TAT: variants seen among roughly 807,000 people sequenced by gnomAD.
TAT encodes the protein tyrosine aminotransferase.
TAT carries 35 observed loss-of-function variants against 53.6 expected under a neutral mutation model. The observed-to-expected ratio is 0.65, with a 90% CI of 0.50 to 0.87. The LOEUF (loss-of-function observed/expected upper bound fraction) is 0.87. Among genes scored for constraint, TAT ranks in the 40% least tolerant of loss-of-function variants. The pLI, the probability that TAT is intolerant of heterozygous loss-of-function variation, is 0.00. For synonymous variants in TAT, 197 were observed against 206.5 expected, an observed-to-expected ratio of 0.95 and a Z score of 0.39; for missense variants, 525 against 571.8, an observed-to-expected ratio of 0.92 and a Z score of 0.83.
At chr16:71,571,405 C>T (rs138589364) in intron 7 of TAT, among the ~76,000 whole-genome samples, 77 of 152,282 alleles carry the variant, frequency 5.1e-4, no homozygotes, top group Non-Finnish European at 8.5e-4. Context: ...CAAATGAATT[C>T]CAGGAATCTT....
intron 8 of TAT, 71 bp downstream of exon 8, chr16:71,570,608 C>T: frequency 1.2e-6 from 2 of 1,608,832 alleles, no homozygotes; most frequent in East Asian, 2.2e-5. Flanking sequence ...AAAAAGCCTC[C>T]CTTGTCCCCA....
At chr16:71,574,382 A>C (rs2044223134) in intron 3 of TAT, among the ~76,000 whole-genome samples, 1 of 152,072 alleles carries the variant, frequency 6.6e-6, no homozygotes, top group Non-Finnish European at 1.5e-5. Context: ...GGAGATTGAG[A>C]CCAGTCTGAC....
chr16:71,576,139 G>C (rs927995206), intron 2 of TAT, 42 bp downstream of exon 2: 1 of 1,609,160 alleles, frequency 6.2e-7, no homozygotes, highest in Non-Finnish European at 8.5e-7. Flanking sequence ...CATGAGAGTA[G>C]AGGAGGACAA....
rs763937507 is a variant in TAT at position 71,570,244 on chromosome 16, A to C, written c.1041+25T>G. On this transcript the variant is annotated intron_variant, in intron 9 of 11. Coordinates refer to ENST00000355962, the MANE Select transcript of TAT (RefSeq NM_000353.3). Reference sequence around the variant, plus strand: ...CATTCTCTGACTCCCAAACTCCCAAAGTGGAGGGCAGGAGCTGCCCTTACC... The same window carrying C: ...CATTCTCTGACTCCCAAACTCCCAACGTGGAGGGCAGGAGCTGCCCTTACC... The C allele has an allele frequency of 1.9e-6, 3 of 1,614,120 alleles. No homozygotes were observed. In the Admixed American group the frequency reaches 5.0e-5, roughly 27 times the overall value.
rs767912599 is a variant in TAT, at chr16:71,571,601, C to T, written c.759+5G>A. On this transcript the variant is annotated splice_donor_5th_base_variant and intron_variant, in intron 7 of 11. Coordinates refer to ENST00000355962, the MANE Select transcript of TAT (RefSeq NM_000353.3). ...CTGTAGTGATATATCCTGATCAAGA[C>T]TCACCATGTCTCCATAGATCTCATC... 21 of 1,613,242 alleles carry T rather than the reference C, an allele frequency of 1.3e-5. No individual in the cohort carries two copies. In the Admixed American group the frequency reaches 1.8e-4, roughly 14 times the overall value.
At chr16:71,575,507 C>G (rs1021677147) in intron 3 of TAT, 1 of 266,140 alleles carries the variant, frequency 3.8e-6, no homozygotes, top group African/African-American at 2.2e-5. Context: ...TGAAAATAGG[C>G]CTTCAATACA....
At chr16:71,571,581 G>A in intron 7 of TAT, 25 bp downstream of exon 7, 1 of 1,601,810 alleles carries the variant, frequency 6.2e-7, no homozygotes, top group Non-Finnish European at 8.6e-7. Context: ...GATTACTGTA[G>A]TGATATATCC....
Position 71,566,468 on chromosome 16 carries a change from C to CG in TAT, c.*1675dup, listed in dbSNP as rs1254471107. 199 of 72,944 alleles carry CG rather than the reference C, an allele frequency of 2.7e-3. No individual in the cohort carries two copies. The highest frequency in any genetic ancestry group is 0.011 in the African/African-American group (187 of 17,396). The allele number at this position is 72,944 out of a possible 1,614,324, so 4.5% of individuals were successfully genotyped here. ...AGGCAACTGTGCCTATGAAGATTTG[C>CG]GAAAAAAAAAAAAAAAAAAAAACAT... is the stretch of plus-strand genomic sequence containing the variant. On this transcript the variant is annotated 3_prime_UTR_variant, in exon 12 of 12. Transcript: ENST00000355962.
chr16:71,573,127 T>G, intron 4 of TAT, among the ~76,000 whole-genome samples: 1 of 152,222 alleles, frequency 6.6e-6, no homozygotes, highest in Non-Finnish European at 1.5e-5. Context: ...GTCCTGGTAC[T>G]TCTATCTTTC....
At position 71,566,969 on chromosome 16, in the gene TAT, TAATA is replaced by T. The variant is rs1308178915; in HGVS notation, c.*1171_*1174del. ...AAATGTATGAAAAGATAATATATAT[TAATA>T]AATCAATATTAACATTACAGCAAAA... On this transcript the variant is annotated 3_prime_UTR_variant, in exon 12 of 12. Coordinates refer to ENST00000355962, the MANE Select transcript of TAT (RefSeq NM_000353.3). The T allele has an allele frequency of 5.9e-5, 9 of 152,150 alleles. No homozygotes were observed. Among genetic ancestry groups the T allele is most frequent in the African/African-American group, 1.4e-4 (6 of 41,546 alleles). 9.4% of individuals were successfully genotyped at this position (152,150 alleles called of 1,614,324 possible).
At position 71,568,757 on chromosome 16, in the gene TAT, G is replaced by A. The variant is rs142634310; in HGVS notation, c.1178C>T (p.Thr393Met). The A allele has an allele frequency of 6.6e-5, 107 of 1,613,840 alleles. No individual in the cohort carries two copies. The highest frequency in any genetic ancestry group is 8.4e-5 in the Non-Finnish European group (99 of 1,179,998). The change falls in exon 11 of 12, where the codon ACG becomes ATG. Residue 393 changes from threonine to methionine, a missense_variant. Coordinates refer to ENST00000355962, the MANE Select transcript of TAT (RefSeq NM_000353.3). ...AGACTGCTCAGCAACTAACCGCTCCGTGAACTCCACATCGTTCTCAAATTC... is the reference window on the plus strand; with the variant it reads ...AGACTGCTCAGCAACTAACCGCTCCATGAACTCCACATCGTTCTCAAATTC... Reference protein sequence around the residue: ...FPEFENDVEFTERLVAEQSVH... With the variant: ...FPEFENDVEFMERLVAEQSVH...
chr16:71,571,847 C>T (rs113800192), intron 6 of TAT, among the ~76,000 whole-genome samples, 189 bp from the exon 7 acceptor site: 36 of 152,328 alleles, frequency 2.4e-4, no homozygotes, highest in Middle Eastern at 6.8e-3. Flanking sequence ...TATTTAAGAA[C>T]TGTAAATTCT....
intron 9 of TAT, 151 bp from the exon 10 acceptor site, chr16:71,570,088 C>G: frequency 7.4e-7 from 1 of 1,350,786 alleles, no homozygotes; most frequent in South Asian, 1.3e-5. Flanking sequence ...TTACTTGAAG[C>G]TTTTCACCAG....
At position 71,576,275 on chromosome 16, in the gene TAT, G is replaced by A. The variant is rs141979735; in HGVS notation, c.141C>T (p.Asp47=). 4 of 1,614,178 alleles carry A rather than the reference G, an allele frequency of 2.5e-6. No individual in the cohort carries two copies. Among genetic ancestry groups the A allele is most frequent in the South Asian group, 2.2e-5 (2 of 91,078 alleles). ...TGGGGTTGAAAGTTTTCTTGGCCAT[G>A]TCTGAGGGCCTCACAGACCACCTGG... ...RKARWSVRPS[D]MAKKTFNPIR... is the part of the protein sequence containing the mutation. Residue 47 remains aspartate, a synonymous_variant, in exon 2 of 12, where the codon GAC becomes GAT. Coordinates refer to ENST00000355962, the MANE Select transcript of TAT (RefSeq NM_000353.3).
At chr16:71,576,106 A>G (rs1199151458) in intron 2 of TAT, 75 bp downstream of exon 2, 1 of 1,608,756 alleles carries the variant, frequency 6.2e-7, no homozygotes, top group South Asian at 1.1e-5. Flanking sequence ...CCCAACTGCC[A>G]TCTTCTCCAA....
chr16:71,573,753 C>T (rs2044218991), intron 3 of TAT, 147 bp from the exon 4 acceptor site: 2 of 723,226 alleles, frequency 2.8e-6, no homozygotes, highest in South Asian at 3.0e-5. Flanking sequence ...ACCTTAGCCT[C>T]CTGAGTAGCT....
At chr16:71,570,425 G>A (rs1331756505) in intron 8 of TAT, 28 bp from the exon 9 acceptor site, 4 of 1,614,118 alleles carry the variant, frequency 2.5e-6, no homozygotes, top group Middle Eastern at 1.6e-4. Flanking sequence ...GAAACATGTT[G>A]TTTAGCTTTT....
chr16:71,570,053 A>G (rs2044190346), intron 9 of TAT, 116 bp from the exon 10 acceptor site: 13 of 1,306,012 alleles, frequency 1.0e-5, no homozygotes, highest in Non-Finnish European at 1.4e-5. Context: ...GTTCTGGCAT[A>G]AGGAGTGAAA....
At chr16:71,569,336 T>C (rs2044184228) in intron 10 of TAT, among the ~76,000 whole-genome samples, 1 of 147,786 alleles carries the variant, frequency 6.8e-6, no homozygotes. Flanking sequence ...AAAAATTAAA[T>C]CTTTTTTTTT....
Sources: gnomAD v4.1 joint callset for allele counts (sites outside exome capture counted in the v4.1 genomes callset) on GRCh38, gnomAD v4.1.1 for gene constraint, MANE v1.5 for transcripts, NCBI Gene and HGNC (gene_info 2026-07-23, HGNC 2026-07-21) for gene names.